TAF4B: variants seen among roughly 807,000 people sequenced by gnomAD.
The protein encoded by TAF4B is TATA-box binding protein associated factor 4b.
TAF4B carries 38 observed loss-of-function variants against 86.4 expected under a neutral mutation model. The observed-to-expected ratio is 0.44, with a 90% CI of 0.34 to 0.58. The LOEUF is 0.58. Ranked by LOEUF, TAF4B falls within the 20% of genes least tolerant of loss-of-function variation. The pLI is 0.02. For missense variants in TAF4B, 988 were observed against 1,027.6 expected, an observed-to-expected ratio of 0.96 and a Z score of 0.53; for synonymous variants, 388 against 391.2, an observed-to-expected ratio of 0.99 and a Z score of 0.10.
intron 3 of TAF4B, among the ~76,000 whole-genome samples, chr18:26,271,521 G>A (rs1042305579): frequency 2.0e-5 from 3 of 152,090 alleles, no homozygotes; most frequent in Non-Finnish European, 2.9e-5. Flanking sequence ...ACTTCAGTCC[G>A]TTTTCCTCCT....
intron 6 of TAF4B, among the ~76,000 whole-genome samples, chr18:26,284,549 T>C (rs2056487109): frequency 6.6e-6 from 1 of 152,202 alleles, no homozygotes; most frequent in African/African-American, 2.4e-5. Flanking sequence ...GCCTTTACTC[T>C]TTAAGTAGGA....
At chr18:26,231,034 CTTTTTT>C (rs536863843) in intron 1 of TAF4B, among the ~76,000 whole-genome samples, 5,913 of 66,268 alleles carry the variant, frequency 0.089, 210 homozygotes, top group African/African-American at 0.2. Flanking sequence ...TGTTGTTTTG[CTTTTTT>C]TTTTTTTTTT....
At chr18:26,256,358 C>A in intron 1 of TAF4B, 1 of 1,439,554 alleles carries the variant, frequency 6.9e-7, no homozygotes, top group South Asian at 1.1e-5. Context: ...AACCAAACAT[C>A]TTTTCTTCTG....
intron 6 of TAF4B, among the ~76,000 whole-genome samples, chr18:26,285,210 C>CTTTTTTTTTTTTTTTTTT (rs113394710): frequency 7.1e-5 from 3 of 42,502 alleles, no homozygotes; most frequent in East Asian, 9.7e-4. Context: ...TCTTCCTTTC[C>CTTTTTTTTTTTTTTTTTT]TTTTTTTTTT....
At chr18:26,236,485 A>G (rs1446911655) in intron 1 of TAF4B, among the ~76,000 whole-genome samples, 1 of 152,186 alleles carries the variant, frequency 6.6e-6, no homozygotes. Context: ...TTGTTGGATC[A>G]TCTGGTCGGG....
intron 7 of TAF4B, among the ~76,000 whole-genome samples, chr18:26,288,620 C>T (rs576000592): frequency 6.6e-6 from 1 of 151,872 alleles, no homozygotes; most frequent in African/African-American, 2.4e-5. Context: ...GGGTGACGAG[C>T]GAAACTCGTC....
At chr18:26,361,744 C>CA (rs112740348) in intron 14 of TAF4B, among the ~76,000 whole-genome samples, 14,312 of 77,224 alleles carry the variant, frequency 0.19, 1,263 homozygotes, top group Non-Finnish European at 0.22. Context: ...GACTCCGTCT[C>CA]AAAAAAAAAA....
At chr18:26,280,815 A>G (rs1260577377) in intron 5 of TAF4B, among the ~76,000 whole-genome samples, 1 of 152,188 alleles carries the variant, frequency 6.6e-6, no homozygotes, top group African/African-American at 2.4e-5. Flanking sequence ...ATCCAAGAGA[A>G]AATAAATCAT....
intron 8 of TAF4B, among the ~76,000 whole-genome samples, chr18:26,293,124 T>TA (rs2056615372): frequency 6.6e-6 from 1 of 152,166 alleles, no homozygotes; most frequent in African/African-American, 2.4e-5. Flanking sequence ...TATGTATTTT[T>TA]AAAAAATACC....
rs563815561 is a variant in TAF4B, at chr18:26,389,777, A to G, written c.2422-68A>G. 6.5e-6 allele frequency: 10 copies of G among 1,533,252 alleles called. No homozygotes were observed. The South Asian group carries it at 1.3e-4, about 19-fold the overall frequency. 95.0% of individuals were successfully genotyped at this position (1,533,252 alleles called of 1,614,324 possible). On this transcript the variant is annotated intron_variant, in intron 14 of 14. Transcript: ENST00000269142. Reference sequence around the variant, plus strand: ...AGAGGGTAGTGGGCTCTGACATGCTAGAATTGACAGGCTTTCCCTTTATGA... The same window carrying G: ...AGAGGGTAGTGGGCTCTGACATGCTGGAATTGACAGGCTTTCCCTTTATGA...
intron 10 of TAF4B, among the ~76,000 whole-genome samples, chr18:26,316,190 TTAAG>T (rs1568148901): frequency 6.6e-6 from 1 of 152,062 alleles, no homozygotes; most frequent in Non-Finnish European, 1.5e-5. Context: ...TCAAATATAC[TTAAG>T]TAAGACCTTT....
At chr18:26,244,194 G>A (rs1373665037) in intron 1 of TAF4B, among the ~76,000 whole-genome samples, 1 of 152,210 alleles carries the variant, frequency 6.6e-6, no homozygotes. Flanking sequence ...ACAGAGACAG[G>A]AAGGCCTCCT....
intron 13 of TAF4B, chr18:26,348,295 G>A (rs1476036298): frequency 6.6e-6 from 1 of 152,250 alleles, no homozygotes; most frequent in African/African-American, 2.4e-5. Context: ...TTAAACAGCA[G>A]TCTCCTGGAC....
intron 5 of TAF4B, among the ~76,000 whole-genome samples, chr18:26,280,624 ATGTC>A (rs1481903134): frequency 6.6e-6 from 1 of 152,192 alleles, no homozygotes; most frequent in Non-Finnish European, 1.5e-5. Context: ...ACTAGTCAAA[ATGTC>A]TGTTACTAAG....
chr18:26,254,818 G>A (rs1326186998), intron 1 of TAF4B, among the ~76,000 whole-genome samples: 1 of 152,124 alleles, frequency 6.6e-6, no homozygotes, highest in African/African-American at 2.4e-5. Flanking sequence ...GGAGGCACAG[G>A]ATGCAACATA....
intron 10 of TAF4B, among the ~76,000 whole-genome samples, chr18:26,320,834 G>A (rs1437502547): frequency 6.6e-6 from 1 of 152,154 alleles, no homozygotes; most frequent in Admixed American, 6.5e-5. Flanking sequence ...CTTGCAAGGA[G>A]AATGATTCTA....
chr18:26,273,848 T>A (rs1209490653), intron 3 of TAF4B, among the ~76,000 whole-genome samples: 2 of 152,244 alleles, frequency 1.3e-5, no homozygotes, highest in African/African-American at 4.8e-5. Flanking sequence ...CTTTTTGTGT[T>A]GCATGCTTGT....
chr18:26,273,104 C>T (rs984935587), intron 3 of TAF4B, among the ~76,000 whole-genome samples: 3 of 152,138 alleles, frequency 2.0e-5, no homozygotes, highest in African/African-American at 7.2e-5. Context: ...AACTGAACAG[C>T]TTTCCCTATT....
chr18:26,294,097 T>C (rs2056631732), intron 9 of TAF4B, among the ~76,000 whole-genome samples: 1 of 152,190 alleles, frequency 6.6e-6, no homozygotes, highest in Admixed American at 6.5e-5. Context: ...TAATAAAGCT[T>C]CATGTACAGA....
Sources: allele counts gnomAD v4.1 joint callset (sites outside exome capture counted in the v4.1 genomes callset), GRCh38; gene constraint gnomAD v4.1.1; transcripts MANE v1.5; gene names NCBI Gene and HGNC (gene_info 2026-07-23, HGNC 2026-07-21).